KCNQ3: variants seen among roughly 807,000 people sequenced by gnomAD.
KCNQ3 encodes potassium voltage-gated channel subfamily KQT member 3.
A neutral mutation model predicts 92.5 loss-of-function variants in KCNQ3; 30 were observed. That is an observed-to-expected ratio of 0.32 (90% CI 0.24 to 0.44). KCNQ3 has a LOEUF of 0.44. KCNQ3 is among the 20% of genes least tolerant of loss of function. KCNQ3 has a pLI of 1.00. For synonymous variants in KCNQ3, 450 were observed against 468.8 expected, an observed-to-expected ratio of 0.96 and a Z score of 0.52; for missense variants, 913 against 1,140.3, an observed-to-expected ratio of 0.80 and a Z score of 2.87.
intron 1 of KCNQ3, among the ~76,000 whole-genome samples, chr8:132,389,647 C>T (rs1819996099): frequency 6.6e-6 from 1 of 152,116 alleles, no homozygotes; most frequent in South Asian, 2.1e-4. Flanking sequence ...AGAGGATATC[C>T]ACATGGCTTT....
intron 1 of KCNQ3, among the ~76,000 whole-genome samples, chr8:132,465,088 T>G (rs901592515): frequency 1.3e-5 from 2 of 152,144 alleles, no homozygotes. Flanking sequence ...TCCAGAACTG[T>G]GAAGGGGAAT....
At chr8:132,454,166 T>C (rs1821888148) in intron 1 of KCNQ3, among the ~76,000 whole-genome samples, 2 of 152,178 alleles carry the variant, frequency 1.3e-5, no homozygotes, top group African/African-American at 4.8e-5. Flanking sequence ...ATCTGAGTGG[T>C]AGCTCCACTG....
chr8:132,261,770 T>G (rs147890960), intron 1 of KCNQ3, among the ~76,000 whole-genome samples: 35 of 152,284 alleles, frequency 2.3e-4, no homozygotes, highest in African/African-American at 8.4e-4. Context: ...ACACCCTGCT[T>G]GGGAATGAGG....
At chr8:132,192,181 A>G (rs544659497) in intron 1 of KCNQ3, among the ~76,000 whole-genome samples, 120 of 152,276 alleles carry the variant, frequency 7.9e-4, no homozygotes, top group African/African-American at 2.9e-3. Context: ...GAGCCTGCGG[A>G]GCCCATCTTT....
At chr8:132,382,957 T>C (rs987018752) in intron 1 of KCNQ3, among the ~76,000 whole-genome samples, 3 of 152,196 alleles carry the variant, frequency 2.0e-5, no homozygotes, top group Non-Finnish European at 4.4e-5. Context: ...CAGGGAGCTG[T>C]TGGAAGGATT....
At chr8:132,427,097 C>A (rs1361485393) in intron 1 of KCNQ3, among the ~76,000 whole-genome samples, 1 of 152,154 alleles carries the variant, frequency 6.6e-6, no homozygotes, top group Non-Finnish European at 1.5e-5. Context: ...GTTGCTGCCC[C>A]CTAAGCACTG....
intron 1 of KCNQ3, among the ~76,000 whole-genome samples, chr8:132,216,185 G>A (rs1814023163): frequency 1.3e-5 from 2 of 152,124 alleles, no homozygotes; most frequent in Admixed American, 6.5e-5. Flanking sequence ...AACCACATGG[G>A]AATGTAAAAC....
intron 1 of KCNQ3, among the ~76,000 whole-genome samples, chr8:132,324,820 G>C (rs1190986931): frequency 6.6e-6 from 1 of 152,100 alleles, no homozygotes; most frequent in Non-Finnish European, 1.5e-5. Context: ...AGCTCTGCTG[G>C]CTCCAGAGCC....
intron 1 of KCNQ3, among the ~76,000 whole-genome samples, chr8:132,385,735 T>C (rs1484125292): frequency 6.6e-6 from 1 of 151,954 alleles, no homozygotes; most frequent in Non-Finnish European, 1.5e-5. Context: ...GGGGACAAAT[T>C]TGTGTATGGG....
chr8:132,314,905 C>A (rs1409925578), intron 1 of KCNQ3, among the ~76,000 whole-genome samples: 1 of 152,126 alleles, frequency 6.6e-6, no homozygotes, highest in Non-Finnish European at 1.5e-5. Flanking sequence ...GCAACGCATG[C>A]TGTGATAGAA....
intron 1 of KCNQ3, among the ~76,000 whole-genome samples, chr8:132,441,535 T>C (rs572504544): frequency 5.9e-5 from 9 of 152,192 alleles, no homozygotes; most frequent in Admixed American, 3.9e-4. Flanking sequence ...GCCTGGGCGA[T>C]AGAGCGAGAC....
intron 1 of KCNQ3, 53 bp downstream of exon 1, chr8:132,480,094 C>T: frequency 1.3e-6 from 2 of 1,560,726 alleles, no homozygotes; most frequent in Non-Finnish European, 1.7e-6. Context: ...GCCCCGACCC[C>T]AAGTCCCCAA....
intron 1 of KCNQ3, among the ~76,000 whole-genome samples, chr8:132,202,865 G>A (rs1827504653): frequency 6.6e-6 from 1 of 152,150 alleles, no homozygotes; most frequent in South Asian, 2.1e-4. Context: ...TTGCAAAGCT[G>A]CTTCCACATT....
intron 1 of KCNQ3, among the ~76,000 whole-genome samples, chr8:132,409,910 G>A (rs996879083): frequency 6.6e-6 from 1 of 152,160 alleles, no homozygotes; most frequent in Non-Finnish European, 1.5e-5. Flanking sequence ...TTATGCAGAA[G>A]GTCAATTTCA....
chr8:132,213,872 G>A (rs1265239603), intron 1 of KCNQ3, among the ~76,000 whole-genome samples: 1 of 152,188 alleles, frequency 6.6e-6, no homozygotes, highest in Non-Finnish European at 1.5e-5. Flanking sequence ...TGAGAAATTT[G>A]TCATGAGTGC....
rs10673519 is a variant in KCNQ3 at position 132,133,354 on chromosome 8, C to CTTTTTTTTT, written c.1799+927_1799+935dup. ...TATCATCACGTTAATGCTCTCGATT[C>CTTTTTTTTT]TTTTTTTTTTTTTTTTTTTTGAGAT... On this transcript the variant is annotated intron_variant, in intron 13 of 14. Coordinates refer to ENST00000388996, the MANE Select transcript of KCNQ3 (RefSeq NM_004519.4). 4.8e-4 allele frequency among the ~76,000 whole-genome samples: 50 copies of CTTTTTTTTT among 103,480 alleles called. 1 individual carries two copies. Among genetic ancestry groups the CTTTTTTTTT allele is most frequent in the Non-Finnish European group, 5.8e-4 (32 of 55,052 alleles). The allele number at this position is 103,480 out of a possible 152,430, so 67.9% of individuals were successfully genotyped here. A position where few individuals can be genotyped will look rare whatever the true frequency, so the allele number is the denominator to read the frequency against.
In KCNQ3 at chr8:132,425,385, A is replaced by C. The variant is rs527783541; in HGVS notation, c.386+54762T>G. Among the ~76,000 whole-genome samples, 3 of 152,354 alleles carry C rather than the reference A, an allele frequency of 2.0e-5. No individual in the cohort carries two copies. The South Asian group carries it at 6.2e-4, about 32-fold the overall frequency. On this transcript the variant is annotated intron_variant, in intron 1 of 14. Coordinates refer to ENST00000388996, the MANE Select transcript of KCNQ3 (RefSeq NM_004519.4). ...TGCCTTGAGACAAGTAAATTCTCTA[A>C]GCCTCAATTTCCTCACCTTAAATGA... is the stretch of plus-strand genomic sequence containing the variant.
intron 1 of KCNQ3, among the ~76,000 whole-genome samples, chr8:132,449,804 C>T (rs770409052): frequency 1.3e-5 from 2 of 152,138 alleles, no homozygotes; most frequent in African/African-American, 2.4e-5. Context: ...CTAGTTTCCA[C>T]GGATGAGCAA....
At chr8:132,145,883 G>T (rs548132355) in intron 9 of KCNQ3, among the ~76,000 whole-genome samples, 1 of 152,198 alleles carries the variant, frequency 6.6e-6, no homozygotes, top group South Asian at 2.1e-4. Context: ...TGAAAGGCAA[G>T]AAGCTGGATT....
Sources: allele counts gnomAD v4.1 joint callset (sites outside exome capture counted in the v4.1 genomes callset), GRCh38; gene constraint gnomAD v4.1.1; transcripts MANE v1.5; gene names NCBI Gene and HGNC (gene_info 2026-07-23, HGNC 2026-07-21).